CTBP1: variants seen among roughly 807,000 people sequenced by gnomAD.
CTBP1 encodes C-terminal binding protein 1.
A neutral mutation model predicts 42.1 loss-of-function variants in CTBP1; 11 were observed. The observed-to-expected ratio is 0.26, with a 90% CI of 0.16 to 0.43. The LOEUF is 0.43. Ranked by LOEUF, CTBP1 falls within the 20% of genes least tolerant of loss-of-function variation. CTBP1 has a pLI of 1.00. For missense variants in CTBP1, 399 were observed against 624.3 expected (o/e 0.64, Z 3.85); for synonymous variants, 324 against 277.1 (o/e 1.17, Z -1.68).
chr4:1,230,873 G>A (rs540835845), intron 3 of CTBP1, among the ~76,000 whole-genome samples: 20 of 152,350 alleles, frequency 1.3e-4, no homozygotes, highest in African/African-American at 4.6e-4. Flanking sequence ...CGCCGGCCAA[G>A]GGCCCTCCTT....
chr4:1,212,434 A>G lies in CTBP1; in HGVS notation c.1107-11T>C. 2.1e-6 allele frequency: 3 copies of G among 1,435,784 alleles called. No homozygotes were observed. Among genetic ancestry groups the G allele is most frequent in the Non-Finnish European group, 2.7e-6 (3 of 1,096,316 alleles). 88.9% of individuals were successfully genotyped at this position (1,435,784 alleles called of 1,614,324 possible). On this transcript the variant is annotated splice_polypyrimidine_tract_variant and intron_variant, in intron 9 of 9. Coordinates refer to ENST00000382952, the MANE Select transcript of CTBP1 (RefSeq NM_001012614.2). ...ACGCCCGGAGGGTACCTGCTGGGAGAGGGTCCATCCGTGAGGCCCACCTGT... is the reference window on the plus strand; with the variant it reads ...ACGCCCGGAGGGTACCTGCTGGGAGGGGGTCCATCCGTGAGGCCCACCTGT...
chr4:1,227,516 G>A (rs537548151), intron 4 of CTBP1, among the ~76,000 whole-genome samples: 52 of 149,622 alleles, frequency 3.5e-4, no homozygotes, highest in African/African-American at 1.1e-3. Context: ...ATGAGTGTGC[G>A]TGTTCCATGT....
chr4:1,219,844 G>A (rs537687868), intron 5 of CTBP1, among the ~76,000 whole-genome samples: 14 of 152,332 alleles, frequency 9.2e-5, no homozygotes, highest in African/African-American at 3.4e-4. Flanking sequence ...GGAGAATTTA[G>A]AACGCTGTGG....
chr4:1,245,127 C>A, intron 1 of CTBP1: 2 of 985,454 alleles, frequency 2.0e-6, no homozygotes, highest in Non-Finnish European at 2.4e-6. Flanking sequence ...CAGACAGACA[C>A]TGCCCAAGTC....
chr4:1,221,674 G>T, intron 5 of CTBP1: 1 of 289,240 alleles, frequency 3.5e-6, no homozygotes, highest in Non-Finnish European at 7.0e-6. Context: ...GCACAGCTGG[G>T]GAAGGCCCTC....
chr4:1,225,658 T>C (rs1422962429), intron 4 of CTBP1, 92 bp from the exon 5 acceptor site: 1 of 1,335,160 alleles, frequency 7.5e-7, no homozygotes, highest in Non-Finnish European at 1.0e-6. Flanking sequence ...GGTTTGAAGC[T>C]TCCCAAGGAA....
intron 1 of CTBP1, among the ~76,000 whole-genome samples, chr4:1,248,465 C>T (rs1352281560): frequency 6.6e-6 from 1 of 150,588 alleles, no homozygotes; most frequent in Admixed American, 6.6e-5. Context: ...GAGCGCGCGC[C>T]CCAGGACACC....
At chr4:1,237,067 C>A in intron 3 of CTBP1, 2 of 672,948 alleles carry the variant, frequency 3.0e-6, no homozygotes, top group South Asian at 1.6e-5. Flanking sequence ...GAGTGTGGGG[C>A]TCAGGGAAAA....
Position 1,216,215 on chromosome 4 carries a change from T to C in CTBP1, c.515-10A>G, listed in dbSNP as rs2108715333. 6.2e-7 allele frequency: 1 copy of C among 1,607,006 alleles called. No homozygotes were observed. The highest frequency in any genetic ancestry group is 8.5e-7 in the Non-Finnish European group (1 of 1,178,566). ...GCCTGCCCCACGCGACCTGGTGGCG[T>C]CAAGACACAGTGTGAGACCCTTGCT... On this transcript the variant is annotated splice_polypyrimidine_tract_variant and intron_variant, in intron 5 of 9. Transcript: ENST00000382952.
intron 3 of CTBP1, among the ~76,000 whole-genome samples, chr4:1,234,157 G>A (rs546167878): frequency 5.3e-5 from 8 of 152,330 alleles, no homozygotes; most frequent in South Asian, 2.1e-4. Flanking sequence ...CACACACTGC[G>A]AAACGCGGAC....
At chr4:1,241,022 G>A (rs1732121870) in intron 2 of CTBP1, among the ~76,000 whole-genome samples, 1 of 152,172 alleles carries the variant, frequency 6.6e-6, no homozygotes, top group Non-Finnish European at 1.5e-5. Context: ...CTCCACCCTC[G>A]TGCTGGCGGC....
At position 1,213,434 on chromosome 4, in the gene CTBP1, CAGGA is replaced by C. The variant is rs780494907; in HGVS notation, c.988+40_988+43del. The C allele has an allele frequency of 5.6e-5, 90 of 1,600,996 alleles. No individual in the cohort carries two copies. In the South Asian group the frequency reaches 9.2e-4, roughly 16 times the overall value. On this transcript the variant is annotated intron_variant, in intron 8 of 9. Transcript: ENST00000382952. ...CGAGCCCATGAGCATCTGGGGCTGG[CAGGA>C]AGGGACCCCCAGGCCTGACCGAGCG...
At chr4:1,245,388 C>T in intron 1 of CTBP1, 1 of 985,434 alleles carries the variant, frequency 1.0e-6, no homozygotes, top group African/African-American at 1.7e-5. Flanking sequence ...ACCTTCCTGG[C>T]TCCTACCACA....
chr4:1,231,645 C>T (rs2108766635), intron 3 of CTBP1, among the ~76,000 whole-genome samples: 1 of 152,398 alleles, frequency 6.6e-6, no homozygotes, highest in African/African-American at 2.4e-5. Flanking sequence ...CTTTCCAGAC[C>T]TCGTGCACAG....
At chr4:1,212,617 T>C (rs928673724) in intron 9 of CTBP1, 194 bp from the exon 10 acceptor site, 2 of 618,060 alleles carry the variant, frequency 3.2e-6, no homozygotes, top group African/African-American at 3.7e-5. Context: ...AGCCCTGGTG[T>C]CTCCAGGTGA....
intron 4 of CTBP1, among the ~76,000 whole-genome samples, chr4:1,227,607 C>T (rs1282783333): frequency 8.1e-5 from 12 of 147,380 alleles, no homozygotes; most frequent in Admixed American, 3.4e-4. Context: ...TGCATGTGCA[C>T]GGGTGCAGAT....
upstream of CTBP1, chr4:1,250,131 A>T (rs1733185005): frequency 6.1e-6 from 1 of 165,040 alleles, no homozygotes; most frequent in African/African-American, 2.4e-5. Context: ...ATGGAGACGG[A>T]ATGATGCAGA....
intron 1 of CTBP1, among the ~76,000 whole-genome samples, chr4:1,247,586 AC>A (rs1181347699): frequency 1.3e-5 from 2 of 152,042 alleles, no homozygotes; most frequent in East Asian, 1.9e-4. Flanking sequence ...GCAAATAGTT[AC>A]CCCACGGTTC....
At chr4:1,221,480 T>A (rs1729726252) in intron 5 of CTBP1, 1 of 156,344 alleles carries the variant, frequency 6.4e-6, no homozygotes, top group Non-Finnish European at 1.4e-5. Context: ...TTGTTTGTAA[T>A]ATTAGCCAAA....
Sources: gnomAD v4.1 joint callset for allele counts (sites outside exome capture counted in the v4.1 genomes callset) on GRCh38, gnomAD v4.1.1 for gene constraint, MANE v1.5 for transcripts, NCBI Gene and HGNC (gene_info 2026-07-23, HGNC 2026-07-21) for gene names.